ARHGAP23: variants seen among roughly 807,000 people sequenced by gnomAD.
ARHGAP23 encodes the protein rho GTPase-activating protein 23.
In ARHGAP23, 34 loss-of-function variants were observed where a neutral mutation model predicts 136.3. The ratio of observed to expected loss-of-function variants is 0.25; its 90% CI spans 0.19 to 0.33. The LOEUF (loss-of-function observed/expected upper bound fraction) is 0.33, where lower values mean the gene tolerates loss of function less well. ARHGAP23 is among the 10% of genes least tolerant of loss of function. The probability of loss-of-function intolerance (pLI) is 1.00; values close to 1 mark genes in which losing one functional copy is unlikely to be tolerated. For missense variants in ARHGAP23, 1,808 were observed against 2,139.0 expected (o/e 0.85, Z 3.05); for synonymous variants, 832 against 920.5 (o/e 0.90, Z 1.74).
At chr17:38,425,013 G>A (rs910414869), upstream of ARHGAP23, among the ~76,000 whole-genome samples, 9 of 152,254 alleles carry the variant, frequency 5.9e-5, no homozygotes, top group East Asian at 1.7e-3. Flanking sequence ...TGTTGCCCCT[G>A]CCCCTTGCTT....
intron 1 of ARHGAP23, among the ~76,000 whole-genome samples, chr17:38,449,225 G>A (rs1356279573): frequency 6.6e-6 from 1 of 152,194 alleles, no homozygotes; most frequent in African/African-American, 2.4e-5. Context: ...CCAGGCTTCC[G>A]TGGCTCTGGC....
intron 1 of ARHGAP23, among the ~76,000 whole-genome samples, chr17:38,436,030 A>G (rs1469854799): frequency 6.6e-6 from 1 of 152,184 alleles, no homozygotes; most frequent in African/African-American, 2.4e-5. Context: ...GTTATCTTGC[A>G]CTGGCATCAC....
At chr17:38,496,510 G>T (rs556975390) in intron 20 of ARHGAP23, among the ~76,000 whole-genome samples, 2 of 152,218 alleles carry the variant, frequency 1.3e-5, no homozygotes, top group South Asian at 2.1e-4. Context: ...AGCCAAAAGT[G>T]CCTTAGTTAT....
chr17:38,442,898 T>C (rs1467033133), intron 1 of ARHGAP23, among the ~76,000 whole-genome samples: 1 of 152,016 alleles, frequency 6.6e-6, no homozygotes, highest in African/African-American at 2.4e-5. Flanking sequence ...AGCAGGGCAA[T>C]GGTGTAATGA....
rs2038609793 is a variant in ARHGAP23, at chr17:38,428,498, G to A, written c.13G>A (p.Ala5Thr). The change falls in exon 1 of 24, where the codon GCC becomes ACC. Residue 5 changes from alanine (A) to threonine (T), a missense_variant. Around this residue, in one of 7 missense-constraint regions of ARHGAP23, gnomAD observed 859 missense variants for 936.4 expected, o/e 0.92. Transcript: ENST00000622683. MNGV[A>T]FCLVGIPPRP... ...CCGCTGCCACCCGATGAATGGAGTC[G>A]CCTTCTGCCTGGTCGGGATCCCGCC... 2.1e-6 allele frequency: 3 copies of A among 1,452,214 alleles called. No homozygotes were observed. Among genetic ancestry groups the A allele is most frequent in the South Asian group, 1.3e-5 (1 of 75,082 alleles). 90.0% of individuals were successfully genotyped at this position (1,452,214 alleles called of 1,614,324 possible). A position where few individuals can be genotyped will look rare whatever the true frequency, so the allele number is the denominator to read the frequency against.
At position 38,510,007 on chromosome 17, in the gene ARHGAP23, G is replaced by A; in HGVS notation, c.3511G>A (p.Ala1171Thr). ...REMLAISFIS[A>T]VNRKRKKRRE... ...GATGCTGGCGATCTCCTTCATCTCG[G>A]CCGTCAACCGCAAGCGCAAGAAGCG... is the stretch of plus-strand genomic sequence containing the variant. Residue 1171 changes from alanine (A) to threonine (T), a missense_variant, in exon 24 of 24, where the codon GCC (alanine) becomes ACC (threonine). By Grantham distance (58) the Ala-to-Thr change is moderately conservative. Coordinates refer to ENST00000622683, the MANE Select transcript of ARHGAP23 (RefSeq NM_001199417.2). This position sits in a 1 kb window ranked among gnomAD's most constrained non-coding sequence, Gnocchi z 4.6. 1 of 1,251,108 alleles carries A rather than the reference G, an allele frequency of 8.0e-7. No individual in the cohort carries two copies. The allele number at this position is 1,251,108 out of a possible 1,614,324, so 77.5% of individuals were successfully genotyped here.
intron 1 of ARHGAP23, chr17:38,419,430 C>G (rs1044306990): frequency 6.7e-6 from 1 of 150,166 alleles, no homozygotes; most frequent in Non-Finnish European, 1.5e-5. Context: ...GGTGCGCGGC[C>G]GAGAGGGGAG....
chr17:38,429,893 C>T (rs1035862802), intron 1 of ARHGAP23, among the ~76,000 whole-genome samples: 14 of 152,208 alleles, frequency 9.2e-5, no homozygotes, highest in Admixed American at 4.6e-4. Flanking sequence ...GCAACAGACC[C>T]CATTCCCCAA....
chr17:38,498,400 C>T lies in ARHGAP23; in HGVS notation c.3319-14C>T. ...TCTGAGGGCATGCCAGCTGACCCCT[C>T]CTCCTGTTCGCAGACCCCTGTGGGC... On this transcript the variant is annotated splice_polypyrimidine_tract_variant and intron_variant, in intron 21 of 23. Transcript: ENST00000622683. 1 of 1,541,924 alleles carries T rather than the reference C, an allele frequency of 6.5e-7. No individual in the cohort carries two copies.
chr17:38,453,718 G>T (rs1422299625), intron 1 of ARHGAP23: 2 of 149,448 alleles, frequency 1.3e-5, no homozygotes, highest in Non-Finnish European at 3.0e-5. Context: ...CAGGAGGCGC[G>T]GAGCCAATCC....
upstream of ARHGAP23, among the ~76,000 whole-genome samples, chr17:38,423,894 G>A (rs191254474): frequency 1.5e-4 from 23 of 151,960 alleles, no homozygotes; most frequent in Non-Finnish European, 2.9e-4. Flanking sequence ...AGGTGTAGGT[G>A]CCCGTGCCCC....
At chr17:38,453,850 A>G (rs1242415540) in intron 1 of ARHGAP23, 1 of 142,660 alleles carries the variant, frequency 7.0e-6, no homozygotes, top group Non-Finnish European at 1.5e-5. Context: ...GGGGTCGAGG[A>G]CGCCGTCTGC....
At chr17:38,446,678 CT>C (rs1170401652) in intron 1 of ARHGAP23, among the ~76,000 whole-genome samples, 1 of 150,314 alleles carries the variant, frequency 6.7e-6, no homozygotes, top group Non-Finnish European at 1.5e-5. Flanking sequence ...ACGGCGCGCT[CT>C]TGGCTCACTG....
chr17:38,466,608 G>GC lies in ARHGAP23; in HGVS notation c.931dup (p.Arg311ProfsTer43). 1.3e-6 allele frequency: 2 copies of GC among 1,511,760 alleles called. No homozygotes were observed. Among genetic ancestry groups the GC allele is most frequent in the South Asian group, 1.3e-5 (1 of 79,636 alleles). 93.6% of individuals were successfully genotyped at this position (1,511,760 alleles called of 1,614,324 possible). On this transcript the variant is annotated frameshift_variant, in exon 7 of 24. Coordinates refer to ENST00000622683, the MANE Select transcript of ARHGAP23 (RefSeq NM_001199417.2). LOFTEE classifies it high-confidence loss of function. ...GGGGGAGAGACGGTGCCCAGCCATG[G>GC]CCCCCCGGGCCCGCAGCGCCTCCCA...
chr17:38,500,530 T>C, intron 22 of ARHGAP23, 67 bp from the exon 23 acceptor site: 1 of 1,391,238 alleles, frequency 7.2e-7, no homozygotes. Context: ...GGGAATTGTG[T>C]GCATAAGACT....
At chr17:38,471,574 G>C (rs2039758436) in intron 10 of ARHGAP23, among the ~76,000 whole-genome samples, 2 of 152,288 alleles carry the variant, frequency 1.3e-5, no homozygotes, top group South Asian at 4.2e-4. Flanking sequence ...ATTCTTCTAA[G>C]TCTATAAAGT....
At chr17:38,445,176 A>G (rs1218152621) in intron 1 of ARHGAP23, among the ~76,000 whole-genome samples, 1 of 151,924 alleles carries the variant, frequency 6.6e-6, no homozygotes, top group Non-Finnish European at 1.5e-5. Flanking sequence ...ATCACAAAAT[A>G]TATAATACGG....
chr17:38,433,489 C>T (rs1442503545), intron 1 of ARHGAP23, among the ~76,000 whole-genome samples: 1 of 152,148 alleles, frequency 6.6e-6, no homozygotes, highest in East Asian at 1.9e-4. Flanking sequence ...GGTAATGAGG[C>T]CCCCATCACT....
chr17:38,492,108 C>T (rs1485665284), intron 20 of ARHGAP23, among the ~76,000 whole-genome samples: 1 of 152,188 alleles, frequency 6.6e-6, no homozygotes, highest in Non-Finnish European at 1.5e-5. Context: ...CTTCTCATGG[C>T]TTCCTGGATG....
Sources: gnomAD v4.1 joint callset for allele counts (sites outside exome capture counted in the v4.1 genomes callset) on GRCh38, gnomAD v4.1.1 for gene constraint, gnomAD v4.1.1 regional missense constraint, Gnocchi (gnomAD v3.1) non-coding constraint, MANE v1.5 for transcripts, NCBI Gene and HGNC (gene_info 2026-07-23, HGNC 2026-07-21) for gene names.